GPC5: variants seen among roughly 807,000 people sequenced by gnomAD.
The protein encoded by GPC5 is glypican 5, also known as glypican-5.
GPC5 carries 47 observed loss-of-function variants against 53.9 expected under a neutral mutation model. That is an observed-to-expected ratio of 0.87 (90% CI 0.69 to 1.11). GPC5 has a LOEUF of 1.11. Ranked by LOEUF, GPC5 falls within the 50% of genes most tolerant of loss-of-function variation. The probability of loss-of-function intolerance (pLI) is 0.00; values close to 1 mark genes in which losing one functional copy is unlikely to be tolerated. For synonymous variants in GPC5, 286 were observed against 263.3 expected (o/e 1.09, Z -0.84); for missense variants, 748 against 713.1 (o/e 1.05, Z -0.56).
At chr13:92,222,637 T>C (rs2042458060) in intron 7 of GPC5, among the ~76,000 whole-genome samples, 1 of 152,170 alleles carries the variant, frequency 6.6e-6, no homozygotes, top group Non-Finnish European at 1.5e-5. Context: ...TTGTTTTTCT[T>C]TGGGGTGTGT....
In GPC5 at chr13:91,415,061, T is replaced by C. The variant is rs150004272; in HGVS notation, c.163+15852T>C. Reference sequence around the variant, plus strand: ...TGTGGCCTATCCACTGTTTCCTACCTTGCCTCCCTGTTGCTGGAGATAACC... The same window carrying C: ...TGTGGCCTATCCACTGTTTCCTACCCTGCCTCCCTGTTGCTGGAGATAACC... On this transcript the variant is annotated intron_variant, in intron 1 of 7. Transcript: ENST00000377067. 3.3e-5 allele frequency among the ~76,000 whole-genome samples: 5 copies of C among 152,292 alleles called. No individual in the cohort carries two copies. In the East Asian group the frequency reaches 9.6e-4, roughly 29 times the overall value.
chr13:92,786,468 T>G (rs1401754343), intron 7 of GPC5, among the ~76,000 whole-genome samples: 1 of 151,954 alleles, frequency 6.6e-6, no homozygotes, highest in Non-Finnish European at 1.5e-5. Context: ...ATGCCCCCAC[T>G]GAGACTGGCA....
intron 7 of GPC5, among the ~76,000 whole-genome samples, chr13:92,741,481 CT>C (rs1889092491): frequency 6.6e-6 from 1 of 151,986 alleles, no homozygotes; most frequent in African/African-American, 2.4e-5. Context: ...GAAATCCATT[CT>C]TTTTCTTTAG....
At chr13:92,096,285 C>T (rs894906283) in intron 6 of GPC5, among the ~76,000 whole-genome samples, 1 of 152,232 alleles carries the variant, frequency 6.6e-6, no homozygotes, top group Non-Finnish European at 1.5e-5. Context: ...CTCTGCCATT[C>T]ATGCAATGAC....
At chr13:92,467,819 TGAA>T (rs1366626836) in intron 7 of GPC5, among the ~76,000 whole-genome samples, 1 of 152,068 alleles carries the variant, frequency 6.6e-6, no homozygotes, top group African/African-American at 2.4e-5. Context: ...ATTTGTTCAA[TGAA>T]GAAGATATAT....
At chr13:92,174,071 C>CTCTA (rs1460071823) in intron 7 of GPC5, among the ~76,000 whole-genome samples, 1 of 152,042 alleles carries the variant, frequency 6.6e-6, no homozygotes, top group Non-Finnish European at 1.5e-5. Flanking sequence ...AACCACTGCA[C>CTCTA]TCTAGCCTGG....
chr13:92,628,131 T>C (rs1449741784), intron 7 of GPC5, among the ~76,000 whole-genome samples: 3 of 152,074 alleles, frequency 2.0e-5, no homozygotes, highest in Non-Finnish European at 4.4e-5. Context: ...CCACAGGAAT[T>C]AGAAAAGAGA....
intron 7 of GPC5, among the ~76,000 whole-genome samples, chr13:92,265,219 G>A (rs2042795220): frequency 6.6e-6 from 1 of 152,004 alleles, no homozygotes; most frequent in Non-Finnish European, 1.5e-5. Context: ...TGGCCAGGGT[G>A]AGAATTTTCC....
At chr13:92,355,726 C>T (rs1304365861) in intron 7 of GPC5, among the ~76,000 whole-genome samples, 1 of 152,086 alleles carries the variant, frequency 6.6e-6, no homozygotes, top group Non-Finnish European at 1.5e-5. Context: ...ACTGCATGGG[C>T]ATATGTTAGA....
At chr13:91,758,861 A>AC (rs1187860448) in intron 5 of GPC5, among the ~76,000 whole-genome samples, 2 of 151,848 alleles carry the variant, frequency 1.3e-5, no homozygotes, top group Non-Finnish European at 2.9e-5. Context: ...AATTCTTCCA[A>AC]CCTCATCACC....
chr13:92,360,564 G>T (rs1336623136), intron 7 of GPC5, among the ~76,000 whole-genome samples: 1 of 149,632 alleles, frequency 6.7e-6, no homozygotes, highest in African/African-American at 2.5e-5. Context: ...TTAAAAACTG[G>T]CACAAAACAA....
intron 5 of GPC5, among the ~76,000 whole-genome samples, chr13:91,759,943 T>C (rs950636610): frequency 6.6e-6 from 1 of 152,112 alleles, no homozygotes; most frequent in African/African-American, 2.4e-5. Context: ...GCATAGAGTA[T>C]TTCTGGAAAG....
chr13:91,756,519 G>C (rs980531541), intron 5 of GPC5, 99 bp downstream of exon 5: 14 of 1,049,678 alleles, frequency 1.3e-5, no homozygotes, highest in Non-Finnish European at 1.9e-5. Context: ...TTGTCACACA[G>C]TTTACAGTCT....
chr13:91,717,357 C>G (rs1316553121), intron 3 of GPC5, among the ~76,000 whole-genome samples: 1 of 152,102 alleles, frequency 6.6e-6, no homozygotes, highest in Non-Finnish European at 1.5e-5. Context: ...TTGATCAGAA[C>G]TGTGCTTTAG....
chr13:92,632,656 T>A (rs187568967), intron 7 of GPC5, among the ~76,000 whole-genome samples: 3 of 152,110 alleles, frequency 2.0e-5, no homozygotes, highest in African/African-American at 7.2e-5. Flanking sequence ...AACAATTCTA[T>A]TAGTTTTGTT....
intron 7 of GPC5, among the ~76,000 whole-genome samples, chr13:92,415,814 C>A (rs1876263133): frequency 6.6e-6 from 1 of 151,946 alleles, no homozygotes. Flanking sequence ...AAAGATGAAC[C>A]AATTTTGAAT....
At chr13:92,358,464 C>A (rs566569679) in intron 7 of GPC5, among the ~76,000 whole-genome samples, 1 of 151,832 alleles carries the variant, frequency 6.6e-6, no homozygotes, top group South Asian at 2.1e-4. Context: ...CTCTAGTAGG[C>A]CGTGCCCCAG....
At chr13:92,591,001 G>C (rs1883694369) in intron 7 of GPC5, among the ~76,000 whole-genome samples, 1 of 152,046 alleles carries the variant, frequency 6.6e-6, no homozygotes. Flanking sequence ...TATGTAGCAG[G>C]ACCCCATAAG....
At chr13:91,892,968 A>G (rs895616585) in intron 5 of GPC5, among the ~76,000 whole-genome samples, 2 of 152,006 alleles carry the variant, frequency 1.3e-5, no homozygotes, top group Admixed American at 6.6e-5. Flanking sequence ...ATGAGTCATC[A>G]TTTGAAGTTT....
Sources: gnomAD v4.1 joint callset for allele counts (sites outside exome capture counted in the v4.1 genomes callset) on GRCh38, gnomAD v4.1.1 for gene constraint, MANE v1.5 for transcripts, NCBI Gene and HGNC (gene_info 2026-07-23, HGNC 2026-07-21) for gene names.